The following NEB variants were observed in gnomAD, a reference collection of about 807,000 sequenced individuals.
The protein encoded by NEB is nebulin, also known as nemaline myopathy type 2.
A neutral mutation model predicts 952.2 loss-of-function variants in NEB; 512 were observed. The ratio of observed to expected loss-of-function variants is 0.54; its 90% CI spans 0.50 to 0.58. The LOEUF (loss-of-function observed/expected upper bound fraction) is 0.58. NEB is among the 20% of genes least tolerant of loss of function. The pLI is 0.00. For synonymous variants in NEB, 2,900 were observed against 3,149.8 expected, an observed-to-expected ratio of 0.92 and a Z score of 2.66; for missense variants, 8,428 against 9,231.1, an observed-to-expected ratio of 0.91 and a Z score of 3.56.
intron 70 of NEB, 139 bp downstream of exon 70, chr2:151,626,863 C>T: frequency 1.8e-6 from 2 of 1,090,644 alleles, no homozygotes; most frequent in Non-Finnish European, 2.6e-6. Flanking sequence ...TGTTATCTAA[C>T]AGAATAGAGA....
rs1485835913 is a variant in NEB at position 151,664,549 on chromosome 2, A to G, written c.5403T>C (p.Asp1801=). The change falls in exon 44 of 182, where the codon GAT becomes GAC. Residue 1801 remains aspartate (D), a synonymous_variant. Transcript: ENST00000397345. ...CTCTTGCAGCCTTTATTGCAATGGC[A>G]TCAGGCCTCAGGTCATATCCTTTCT... ...EKKKGYDLRP[D]AIAIKAARAS... is the part of the protein sequence containing the mutation. 12 of 1,608,480 alleles carry G rather than the reference A, an allele frequency of 7.5e-6. No homozygotes were observed. Among genetic ancestry groups the G allele is most frequent in the South Asian group, 3.3e-5 (3 of 89,612 alleles).
At chr2:151,687,329 G>A in intron 27 of NEB, 90 bp downstream of exon 27, 1 of 1,084,532 alleles carries the variant, frequency 9.2e-7, no homozygotes, top group East Asian at 2.4e-5. Flanking sequence ...AAGAGCCCAT[G>A]CTCATGAAAT....
At chr2:151,733,310 C>T in intron 2 of NEB, 125 bp from the exon 3 acceptor site, 2 of 674,740 alleles carry the variant, frequency 3.0e-6, no homozygotes, top group Non-Finnish European at 4.9e-6. Context: ...TTGTTGCAGG[C>T]TAAAGGAGAG....
intron 71 of NEB, among the ~76,000 whole-genome samples, chr2:151,624,147 T>TA (rs1359316055): frequency 6.6e-6 from 1 of 152,196 alleles, no homozygotes; most frequent in Non-Finnish European, 1.5e-5. Context: ...TCAACATCAT[T>TA]ATGCAATTTT....
Position 151,537,216 on chromosome 2 carries a change from C to A in NEB, c.21123G>T (p.Leu7041Phe), listed in dbSNP as rs778970922. Residue 7041 changes from leucine to phenylalanine, a missense_variant, in exon 141 of 182, where the codon TTG becomes TTT. Transcript: ENST00000397345. The stretch of plus-strand genomic sequence containing the variant: ...AGCAACCAATGCCTTTAAGCCAAGT[C>A]AAGTCTTCTTTATATTTTACCTGGG... The part of the protein sequence containing the change: ...TVSDVKYKED[L>F]TWLKGIGCYA... The A allele has an allele frequency of 6.2e-7, 1 of 1,611,520 alleles. No individual in the cohort carries two copies. Among genetic ancestry groups the A allele is most frequent in the Non-Finnish European group, 8.5e-7 (1 of 1,178,090 alleles).
Position 151,610,849 on chromosome 2 carries a change from A to G in NEB, c.11823T>C (p.Ala3941=). ...LTMSKHLYTE[A]WDADKTSIHV... ...GGATGGAGGTTTTGTCAGCATCCCA[A>G]GCTTCTGTGTATAAATGCTACAGGG... is the stretch of plus-strand genomic sequence containing the variant. Residue 3941 remains alanine, a synonymous_variant, in exon 79 of 182, where the codon GCT becomes GCC. Transcript: ENST00000397345. 2.5e-6 allele frequency: 4 copies of G among 1,596,776 alleles called. No individual in the cohort carries two copies. The highest frequency in any genetic ancestry group is 3.4e-6 in the Non-Finnish European group (4 of 1,170,796).
intron 154 of NEB, 79 bp from the exon 155 acceptor site, chr2:151,519,148 C>T: frequency 1.1e-6 from 1 of 923,914 alleles, no homozygotes; most frequent in Non-Finnish European, 1.8e-6. Flanking sequence ...GTGAGATAGC[C>T]CATCGTCAAA....
intron 107 of NEB, 113 bp downstream of exon 107, chr2:151,575,582 C>T: frequency 2.6e-6 from 2 of 756,958 alleles, no homozygotes; most frequent in East Asian, 5.2e-5. Context: ...AAGGAGTCTT[C>T]CCCTGTTGCG....
At chr2:151,635,237 G>A (rs898902152) in intron 64 of NEB, among the ~76,000 whole-genome samples, 1 of 152,068 alleles carries the variant, frequency 6.6e-6, no homozygotes, top group South Asian at 2.1e-4. Flanking sequence ...TATTATTATT[G>A]GCATAAGTCC....
intron 168 of NEB, among the ~76,000 whole-genome samples, chr2:151,501,067 A>G (rs1425108140): frequency 6.6e-6 from 1 of 152,202 alleles, no homozygotes; most frequent in Non-Finnish European, 1.5e-5. Flanking sequence ...ACCCAGAAAC[A>G]TCAGATAAAA....
chr2:151,524,327 G>T lies in NEB; in HGVS notation c.22463C>A (p.Ala7488Asp). 6.2e-7 allele frequency: 1 copy of T among 1,613,720 alleles called. No homozygotes were observed. Among genetic ancestry groups the T allele is most frequent in the Non-Finnish European group, 8.5e-7 (1 of 1,179,834 alleles). The change falls in exon 153 of 182, where the codon GCC becomes GAC. Residue 7488 changes from alanine to aspartate, a missense_variant. By Grantham distance (126) the Ala-to-Asp change is moderately radical. Around this residue, in one of 11 missense-constraint regions of NEB, gnomAD observed 3,374 missense variants for 3,651.5 expected, o/e 0.92. Coordinates refer to ENST00000397345, the MANE Select transcript of NEB (RefSeq NM_001164508.2). ...CTGCATTACCTGGCTGCTCAGCTTGGCTGCCTTCTTGGCCATTTCTATGTC... is the reference window on the plus strand; with the variant it reads ...CTGCATTACCTGGCTGCTCAGCTTGTCTGCCTTCTTGGCCATTTCTATGTC... ...RPDIEMAKKA[A>D]KLSSQVKYRE...
chr2:151,718,956 ACATG>A (rs1475791535), intron 9 of NEB, among the ~76,000 whole-genome samples: 30 of 152,186 alleles, frequency 2.0e-4, no homozygotes, highest in African/African-American at 7.0e-4. Flanking sequence ...ACGGCCTCGT[ACATG>A]CTGTTCCCTC....
Position 151,503,460 on chromosome 2 carries a change from A to C in NEB, c.23743-19T>G, listed in dbSNP as rs1461137377. The C allele has an allele frequency of 6.6e-7, 1 of 1,524,870 alleles. No homozygotes were observed. Among genetic ancestry groups the C allele is most frequent in the South Asian group, 1.1e-5 (1 of 88,628 alleles). The allele number at this position is 1,524,870 out of a possible 1,614,324, so 94.5% of individuals were successfully genotyped here. ...ACATAACCTGTAGAAAATAATTAGA[A>C]TACCCAGAAAGGTAAAATGACCGTA... On this transcript the variant is annotated intron_variant, in intron 165 of 181. Coordinates refer to ENST00000397345, the MANE Select transcript of NEB (RefSeq NM_001164508.2).
At chr2:151,726,599 G>A (rs1204618863) in intron 5 of NEB, among the ~76,000 whole-genome samples, 2 of 152,184 alleles carry the variant, frequency 1.3e-5, no homozygotes, top group African/African-American at 4.8e-5. Context: ...CCATTGAAAT[G>A]TGTCTGAATC....
intron 181 of NEB, 32 bp downstream of exon 181, chr2:151,489,939 T>G: frequency 6.7e-7 from 1 of 1,496,014 alleles, no homozygotes; most frequent in Non-Finnish European, 9.3e-7. Context: ...AAATTAAGAA[T>G]AATTTATTTA....
At chr2:151,692,028 G>A in intron 22 of NEB, 31 bp downstream of exon 22, 1 of 1,607,024 alleles carries the variant, frequency 6.2e-7, no homozygotes, top group Non-Finnish European at 8.5e-7. Context: ...CAATGTCACT[G>A]TGAGGCATGA....
chr2:151,497,748 A>C (rs1264484637), intron 170 of NEB, 30 bp from the exon 171 acceptor site: 3 of 1,554,866 alleles, frequency 1.9e-6, no homozygotes, highest in African/African-American at 1.4e-5. Context: ...CCAGAAAAAC[A>C]ACCATGAGTA....
intron 39 of NEB, 131 bp from the exon 40 acceptor site, chr2:151,668,042 C>T (rs947887100): frequency 1.5e-6 from 1 of 651,528 alleles, no homozygotes; most frequent in Non-Finnish European, 2.6e-6. Flanking sequence ...GAAGTTAGGA[C>T]TATTAGTTTG....
intron 105 of NEB, among the ~76,000 whole-genome samples, chr2:151,576,657 G>A (rs1007365553): frequency 2.7e-5 from 4 of 146,554 alleles, no homozygotes; most frequent in African/African-American, 7.6e-5. Context: ...TCAGCCTCCC[G>A]AGTAGTTGAG....
Sources: gnomAD v4.1 joint callset for allele counts (sites outside exome capture counted in the v4.1 genomes callset) on GRCh38, gnomAD v4.1.1 for gene constraint, gnomAD v4.1.1 regional missense constraint, MANE v1.5 for transcripts, NCBI Gene and HGNC (gene_info 2026-07-23, HGNC 2026-07-21) for gene names.